The following NELL2 variants were observed in gnomAD, a reference collection of about 807,000 sequenced individuals.
NELL2 encodes neural EGFL like 2.
NELL2 carries 41 observed loss-of-function variants against 109.6 expected under a neutral mutation model. The ratio of observed to expected loss-of-function variants is 0.37; its 90% CI spans 0.29 to 0.49. The LOEUF is 0.49. NELL2 is among the 20% of genes least tolerant of loss of function. The pLI is 0.98. For synonymous variants in NELL2, 355 were observed against 344.7 expected, an observed-to-expected ratio of 1.03 and a Z score of -0.33; for missense variants, 900 against 1,008.3, an observed-to-expected ratio of 0.89 and a Z score of 1.45.
intron 2 of NELL2, among the ~76,000 whole-genome samples, chr12:44,856,012 A>C (rs1298424058): frequency 6.6e-6 from 1 of 152,246 alleles, no homozygotes; most frequent in Non-Finnish European, 1.5e-5. Context: ...TCACGAAAGT[A>C]ATCATATTTG....
chr12:44,683,222 C>T (rs1403255220), intron 12 of NELL2, among the ~76,000 whole-genome samples: 4 of 151,868 alleles, frequency 2.6e-5, no homozygotes, highest in African/African-American at 4.8e-5. Context: ...TCTCTGTTTG[C>T]CTGTTATTGG....
At chr12:44,710,306 T>C (rs1189417140) in intron 11 of NELL2, among the ~76,000 whole-genome samples, 1 of 152,136 alleles carries the variant, frequency 6.6e-6, no homozygotes, top group Non-Finnish European at 1.5e-5. Context: ...AATATAAAGG[T>C]CATTATTCAA....
chr12:44,672,349 T>C (rs1332491242), intron 12 of NELL2, among the ~76,000 whole-genome samples: 5 of 152,146 alleles, frequency 3.3e-5, no homozygotes, highest in Non-Finnish European at 7.4e-5. Context: ...GCAACCCCTA[T>C]TGTGAACTGT....
chr12:44,823,350 T>C (rs936916708), intron 2 of NELL2, among the ~76,000 whole-genome samples: 1 of 152,192 alleles, frequency 6.6e-6, no homozygotes. Context: ...GAACTTATCA[T>C]CTGCATAAAT....
chr12:44,774,940 T>C, intron 8 of NELL2, 91 bp from the exon 9 acceptor site: 2 of 965,636 alleles, frequency 2.1e-6, no homozygotes, highest in Admixed American at 2.2e-5. Context: ...TTTAAACTCT[T>C]CATGTGAAGA....
chr12:44,711,287 C>A lies in NELL2; in HGVS notation c.1189+5G>T. 6.2e-7 allele frequency: 1 copy of A among 1,608,190 alleles called. No homozygotes were observed. The highest frequency in any genetic ancestry group is 8.5e-7 in the Non-Finnish European group (1 of 1,175,106). Reference sequence around the variant, plus strand: ...CGTAAACCTTACTTTTCAAAAAAGTCTTACCTTTACAAACTTTGCAACAGC... The same window carrying A: ...CGTAAACCTTACTTTTCAAAAAAGTATTACCTTTACAAACTTTGCAACAGC... On this transcript the variant is annotated splice_donor_5th_base_variant and intron_variant, in intron 11 of 19. Coordinates refer to ENST00000429094, the MANE Select transcript of NELL2 (RefSeq NM_001145108.2).
chr12:44,554,717 T>C (rs961805237), intron 15 of NELL2, among the ~76,000 whole-genome samples: 2 of 152,236 alleles, frequency 1.3e-5, no homozygotes, highest in Non-Finnish European at 2.9e-5. Flanking sequence ...TCTAATGATT[T>C]ACTGGTGTAT....
At position 44,690,971 on chromosome 12, in the gene NELL2, T is replaced by G. The variant is rs1948879990; in HGVS notation, c.1318+12755A>C. Among the ~76,000 whole-genome samples the G allele has an allele frequency of 2.0e-5, 3 of 152,166 alleles. No individual in the cohort carries two copies. The South Asian group carries it at 6.2e-4, about 32-fold the overall frequency. ...TTTATTATTTCTTCCCTATATAGCA[T>G]CCAAAGCAATCATGATCTCTAATAG... On this transcript the variant is annotated intron_variant, in intron 12 of 19. Transcript: ENST00000429094.
chr12:44,676,070 A>C (rs926245612), intron 12 of NELL2, among the ~76,000 whole-genome samples: 1 of 152,164 alleles, frequency 6.6e-6, no homozygotes, highest in Non-Finnish European at 1.5e-5. Flanking sequence ...GTTAATGAAC[A>C]CTAATGCCTT....
intron 9 of NELL2, among the ~76,000 whole-genome samples, chr12:44,741,159 C>T (rs1008674821): frequency 6.6e-6 from 1 of 152,144 alleles, no homozygotes; most frequent in Non-Finnish European, 1.5e-5. Flanking sequence ...GAAAGGAGAC[C>T]TTTATGATAA....
chr12:44,753,512 G>C (rs1224576422), intron 9 of NELL2, among the ~76,000 whole-genome samples: 1 of 151,742 alleles, frequency 6.6e-6, no homozygotes, highest in Non-Finnish European at 1.5e-5. Flanking sequence ...ATATGGAATG[G>C]GTAAGCTGCA....
chr12:44,601,596 C>A (rs1945224467), intron 15 of NELL2, among the ~76,000 whole-genome samples: 1 of 152,086 alleles, frequency 6.6e-6, no homozygotes, highest in African/African-American at 2.4e-5. Context: ...CAGGGCATCT[C>A]CAGCTAACTC....
chr12:44,587,027 C>A (rs1433860298), intron 15 of NELL2, among the ~76,000 whole-genome samples: 1 of 151,822 alleles, frequency 6.6e-6, no homozygotes, highest in Admixed American at 6.6e-5. Flanking sequence ...AATCCCGGCA[C>A]TTTGGGAGGC....
chr12:44,815,976 C>T lies in NELL2; in HGVS notation c.335+10G>A. 1 of 1,603,998 alleles carries T rather than the reference C, an allele frequency of 6.2e-7. No individual in the cohort carries two copies. Among genetic ancestry groups the T allele is most frequent in the Non-Finnish European group, 8.5e-7 (1 of 1,177,426 alleles). ...ATGAAAACACAGGAAACTCCAGCAACCACATTTACCTGTGATCCAAGTGGT... is the reference window on the plus strand; with the variant it reads ...ATGAAAACACAGGAAACTCCAGCAATCACATTTACCTGTGATCCAAGTGGT... On this transcript the variant is annotated intron_variant, in intron 3 of 19. Coordinates refer to ENST00000429094, the MANE Select transcript of NELL2 (RefSeq NM_001145108.2).
chr12:44,649,758 C>T (rs1423262601), intron 13 of NELL2, among the ~76,000 whole-genome samples: 1 of 152,180 alleles, frequency 6.6e-6, no homozygotes, highest in Non-Finnish European at 1.5e-5. Flanking sequence ...ACCTTGACTA[C>T]AAACAAAGAA....
intron 3 of NELL2, among the ~76,000 whole-genome samples, chr12:44,786,748 C>T (rs755769569): frequency 2.0e-5 from 3 of 152,072 alleles, no homozygotes; most frequent in Admixed American, 1.3e-4. Context: ...AAGCTGGAAA[C>T]CATCATTCCC....
At chr12:44,615,660 G>GT (rs1592211188) in intron 13 of NELL2, among the ~76,000 whole-genome samples, 1 of 152,070 alleles carries the variant, frequency 6.6e-6, no homozygotes, top group African/African-American at 2.4e-5. Flanking sequence ...TTATCCAGAA[G>GT]TTTTTTATGT....
chr12:44,588,066 G>A (rs972297367), intron 15 of NELL2, among the ~76,000 whole-genome samples: 1 of 151,930 alleles, frequency 6.6e-6, no homozygotes, highest in African/African-American at 2.4e-5. Context: ...CGGGAGAATG[G>A]TGTGAACCCG....
chr12:44,600,557 T>C lies in NELL2; in HGVS notation c.1663+6612A>G, dbSNP rs550304670. ...TCATCAGCTTATCTATATAAAAAAATCAGAATTTATGAATGAGAAAATTGC... is the reference window on the plus strand; with the variant it reads ...TCATCAGCTTATCTATATAAAAAAACCAGAATTTATGAATGAGAAAATTGC... On this transcript the variant is annotated intron_variant, in intron 15 of 19. Coordinates refer to ENST00000429094, the MANE Select transcript of NELL2 (RefSeq NM_001145108.2). Among the ~76,000 whole-genome samples, 740 of 152,306 alleles carry C rather than the reference T, an allele frequency of 4.9e-3. 9 individuals carry two copies. Among genetic ancestry groups the C allele is most frequent in the African/African-American group, 0.015 (629 of 41,576 alleles).
Sources: gnomAD v4.1 joint callset for allele counts (sites outside exome capture counted in the v4.1 genomes callset) on GRCh38, gnomAD v4.1.1 for gene constraint, MANE v1.5 for transcripts, NCBI Gene and HGNC (gene_info 2026-07-23, HGNC 2026-07-21) for gene names.